SPATA9: variants seen among roughly 807,000 people sequenced by gnomAD.
The protein encoded by SPATA9 is spermatogenesis-associated protein 9.
Under a neutral mutation model 25.5 loss-of-function variants are expected in SPATA9, and 27 were observed. The ratio of observed to expected loss-of-function variants is 1.06; its 90% confidence interval spans 0.78 to 1.46. SPATA9 has a LOEUF of 1.46. Ranked by LOEUF, SPATA9 falls within the 40% of genes most tolerant of loss-of-function variation. The pLI is 0.00. For missense variants in SPATA9, 282 were observed against 297.5 expected (o/e 0.95, Z 0.38); for synonymous variants, 102 against 105.7 (o/e 0.97, Z 0.21).
the SPATA9 span, chr5:95,719,702 T>C: frequency 3.3e-5 from 5 of 152,238 alleles, no homozygotes; most frequent in African/African-American, 9.6e-5. Context: ...TTTGTGACTG[T>C]GGCTCTTCGA....
intron 3 of SPATA9, among the ~76,000 whole-genome samples, chr5:95,665,707 G>T (rs1391684153): frequency 6.6e-6 from 1 of 152,222 alleles, no homozygotes; most frequent in African/African-American, 2.4e-5. Context: ...GGACACAGTG[G>T]CTCACACCTG....
At chr5:95,709,972 C>T in the SPATA9 span, among the ~76,000 whole-genome samples, 1 of 152,136 alleles carries the variant, frequency 6.6e-6, no homozygotes, top group Non-Finnish European at 1.5e-5. Flanking sequence ...TGGTAGATGG[C>T]TCCATGTACA....
At chr5:95,672,012 C>A (rs1752434564) in intron 3 of SPATA9, among the ~76,000 whole-genome samples, 1 of 151,928 alleles carries the variant, frequency 6.6e-6, no homozygotes, top group Non-Finnish European at 1.5e-5. Flanking sequence ...TTCCCCCCAC[C>A]CCCAATGCCA....
upstream of SPATA9, among the ~76,000 whole-genome samples, chr5:95,703,615 T>C (rs1304710438): frequency 6.6e-6 from 1 of 151,506 alleles, no homozygotes; most frequent in Non-Finnish European, 1.5e-5. Context: ...GCCTGGGCAA[T>C]CAGAGTGAGA....
intron 3 of SPATA9, 80 bp downstream of exon 3, chr5:95,675,332 A>C: frequency 8.8e-7 from 1 of 1,141,772 alleles, no homozygotes; most frequent in Non-Finnish European, 1.2e-6. Context: ...AATCAAGTTC[A>C]CCACATTTTA....
chr5:95,670,595 G>A (rs1383572207), intron 3 of SPATA9: 2 of 152,316 alleles, frequency 1.3e-5, no homozygotes, highest in South Asian at 2.1e-4. Flanking sequence ...CCCTTGCATG[G>A]TCCTTCCAGC....
downstream of SPATA9, chr5:95,656,088 T>C (rs757659453): frequency 6.2e-7 from 1 of 1,613,668 alleles, no homozygotes; most frequent in South Asian, 1.1e-5. Flanking sequence ...CTGGCATAAA[T>C]ACAAAATTAC....
At chr5:95,728,366 G>A in the SPATA9 span, among the ~76,000 whole-genome samples, 1 of 152,246 alleles carries the variant, frequency 6.6e-6, no homozygotes, top group Admixed American at 6.5e-5. Flanking sequence ...TGCATGTGAT[G>A]TCTGTCCAGT....
chr5:95,694,199 GTA>G (rs1321067621), intron 1 of SPATA9, among the ~76,000 whole-genome samples: 1 of 152,040 alleles, frequency 6.6e-6, no homozygotes, highest in African/African-American at 2.4e-5. Flanking sequence ...TACATTTTAA[GTA>G]TATATATGTA....
chr5:95,686,562 GA>G (rs1163004054), upstream of SPATA9, among the ~76,000 whole-genome samples: 2 of 152,170 alleles, frequency 1.3e-5, no homozygotes, highest in South Asian at 4.1e-4. Context: ...AGAGACTAGT[GA>G]AAAGTTTTAT....
At chr5:95,659,014 T>A in intron 4 of SPATA9, 101 bp from the exon 5 acceptor site, 1 of 1,416,910 alleles carries the variant, frequency 7.1e-7, no homozygotes, top group Non-Finnish European at 9.4e-7. Context: ...TCATTTAATC[T>A]ACATAATCTA....
upstream of SPATA9, among the ~76,000 whole-genome samples, chr5:95,685,738 A>G (rs1451512965): frequency 6.6e-6 from 1 of 152,196 alleles, no homozygotes; most frequent in Admixed American, 6.5e-5. Context: ...TAACAATCCT[A>G]TGAATTAGGA....
downstream of SPATA9, chr5:95,654,243 TTTTA>T: frequency 6.2e-7 from 1 of 1,611,106 alleles, no homozygotes; most frequent in Non-Finnish European, 8.5e-7. Flanking sequence ...TACCGTAAGA[TTTTA>T]TTTTTCATTT....
At chr5:95,697,097 T>A (rs1754042532) in intron 1 of SPATA9, among the ~76,000 whole-genome samples, 1 of 152,228 alleles carries the variant, frequency 6.6e-6, no homozygotes, top group Non-Finnish European at 1.5e-5. Context: ...AATAAACTTT[T>A]GTTATCTCAC....
intron 2 of SPATA9, among the ~76,000 whole-genome samples, chr5:95,676,782 A>G (rs760534506): frequency 3.9e-5 from 6 of 152,206 alleles, no homozygotes; most frequent in Non-Finnish European, 8.8e-5. Flanking sequence ...GAGAGATCTA[A>G]TCAAAACTTA....
At chr5:95,723,600 A>C in the SPATA9 span, among the ~76,000 whole-genome samples, 1 of 152,222 alleles carries the variant, frequency 6.6e-6, no homozygotes, top group African/African-American at 2.4e-5. Flanking sequence ...AATTTTGTGT[A>C]AATTTGCACA....
chr5:95,670,888 T>A, intron 3 of SPATA9: 7 of 985,362 alleles, frequency 7.1e-6, no homozygotes, highest in Non-Finnish European at 8.4e-6. Context: ...TCACTGAGCC[T>A]TTGAGATTTG....
chr5:95,723,995 A>T, the SPATA9 span, among the ~76,000 whole-genome samples: 1 of 152,240 alleles, frequency 6.6e-6, no homozygotes, highest in Non-Finnish European at 1.5e-5. Context: ...TAAAGATCAA[A>T]TCAATCATAG....
chr5:95,696,349 A>G (rs1754021395), intron 1 of SPATA9, among the ~76,000 whole-genome samples: 1 of 152,252 alleles, frequency 6.6e-6, no homozygotes, highest in Admixed American at 6.5e-5. Flanking sequence ...TAAAAAATGT[A>G]GTAAGCTGAG....
Sources: gnomAD v4.1 joint callset for allele counts (sites outside exome capture counted in the v4.1 genomes callset) on GRCh38, gnomAD v4.1.1 for gene constraint, MANE v1.5 for transcripts, NCBI Gene and HGNC (gene_info 2026-07-23, HGNC 2026-07-21) for gene names.